SLC60A1: variants seen among roughly 807,000 people sequenced by gnomAD.
The protein encoded by SLC60A1 is solute carrier family 60 member 1.
chr1:205,587,335 C>G, the SLC60A1 span, among the ~76,000 whole-genome samples: 1 of 152,140 alleles, frequency 6.6e-6, no homozygotes, highest in Non-Finnish European at 1.5e-5. Context: ...GGTTGAATTT[C>G]TAGCAGAGAG....
At chr1:205,589,847 C>CG in the SLC60A1 span, among the ~76,000 whole-genome samples, 2 of 152,082 alleles carry the variant, frequency 1.3e-5, no homozygotes, top group Non-Finnish European at 2.9e-5. Flanking sequence ...AGTCCAGGCG[C>CG]AAGAGGGAGG....
At chr1:205,592,827 C>T in the SLC60A1 span, among the ~76,000 whole-genome samples, 13 of 152,124 alleles carry the variant, frequency 8.5e-5, no homozygotes, top group Admixed American at 3.9e-4. Flanking sequence ...ACATTTTGTG[C>T]GATATGGATG....
chr1:205,590,279 T>C, the SLC60A1 span, among the ~76,000 whole-genome samples: 1 of 151,876 alleles, frequency 6.6e-6, no homozygotes, highest in Non-Finnish European at 1.5e-5. Context: ...ATTGAGAGAG[T>C]GAACAGAGGG....
At chr1:205,590,564 C>T in the SLC60A1 span, among the ~76,000 whole-genome samples, 1 of 152,162 alleles carries the variant, frequency 6.6e-6, no homozygotes, top group African/African-American at 2.4e-5. Context: ...GGAAGGGCTG[C>T]TAGAGGAGCG....
At chr1:205,591,975 A>T in the SLC60A1 span, 2 of 881,154 alleles carry the variant, frequency 2.3e-6, no homozygotes, top group East Asian at 2.7e-5. Flanking sequence ...TCCCCGGAAC[A>T]CTGCGGTTCC....
the SLC60A1 span, chr1:205,598,332 T>G: frequency 6.6e-6 from 1 of 150,628 alleles, no homozygotes; most frequent in African/African-American, 2.5e-5. Flanking sequence ...CATGTTTCAT[T>G]TATTCACCAG....
chr1:205,580,170 G>A, the SLC60A1 span, among the ~76,000 whole-genome samples: 1 of 152,154 alleles, frequency 6.6e-6, no homozygotes, highest in Non-Finnish European at 1.5e-5. This position sits in a 1 kb window ranked among gnomAD's most constrained non-coding sequence, Gnocchi z 5.0. Context: ...AGCTCTTTGC[G>A]AACTGGAAAG....
the SLC60A1 span, among the ~76,000 whole-genome samples, chr1:205,582,394 CAT>C: frequency 1.3e-5 from 2 of 152,238 alleles, no homozygotes; most frequent in African/African-American, 2.4e-5. Context: ...TGCATGTACT[CAT>C]GTGGGTGCAC....
the SLC60A1 span, among the ~76,000 whole-genome samples, chr1:205,582,268 C>T: frequency 2.6e-5 from 4 of 152,348 alleles, no homozygotes; most frequent in East Asian, 7.7e-4. Flanking sequence ...GAGGTTTGTT[C>T]TCTCTTGCCC....
chr1:205,579,740 C>T, the SLC60A1 span: 49 of 1,613,892 alleles, frequency 3.0e-5, no homozygotes, highest in South Asian at 5.4e-4. Context: ...CATCACCCTT[C>T]CCTCCTGCAG....
the SLC60A1 span, chr1:205,594,922 G>A: frequency 6.6e-6 from 1 of 152,364 alleles, no homozygotes; most frequent in East Asian, 1.9e-4. Context: ...CCAAAACCCA[G>A]TGATTGGGCC....
the SLC60A1 span, among the ~76,000 whole-genome samples, chr1:205,585,751 G>A: frequency 2.0e-5 from 3 of 151,982 alleles, no homozygotes; most frequent in Non-Finnish European, 1.5e-5. This position sits in a 1 kb window ranked among gnomAD's most constrained non-coding sequence, Gnocchi z 4.2. Flanking sequence ...TGTCTGCCCA[G>A]GCCCTGCGGG....
the SLC60A1 span, among the ~76,000 whole-genome samples, chr1:205,577,178 C>T: frequency 7.2e-5 from 11 of 152,254 alleles, no homozygotes; most frequent in East Asian, 3.9e-4. This position sits in a 1 kb window ranked among gnomAD's most constrained non-coding sequence, Gnocchi z 5.2. Flanking sequence ...CACTGTACAC[C>T]GGGCACCTTC....
the SLC60A1 span, among the ~76,000 whole-genome samples, chr1:205,581,154 G>A: frequency 1.3e-5 from 2 of 152,372 alleles, no homozygotes; most frequent in South Asian, 2.1e-4. This position sits in a 1 kb window ranked among gnomAD's most constrained non-coding sequence, Gnocchi z 4.2. Context: ...ACAGTGAGCT[G>A]AGCACAGTGA....
At chr1:205,599,183 G>A in the SLC60A1 span, 3 of 1,614,040 alleles carry the variant, frequency 1.9e-6, no homozygotes, top group Admixed American at 5.0e-5. Context: ...GTGATCTTTG[G>A]TTGTCTGGCT....
chr1:205,569,520 T>C, the SLC60A1 span, among the ~76,000 whole-genome samples: 1 of 118,670 alleles, frequency 8.4e-6, no homozygotes, highest in South Asian at 3.2e-4. Flanking sequence ...TGGAAAACTC[T>C]CTCCAGAGAC....
At chr1:205,579,522 C>G in the SLC60A1 span, 1 of 593,768 alleles carries the variant, frequency 1.7e-6, no homozygotes. Context: ...ATACTAGTGG[C>G]TAGGCTTTGT....
chr1:205,599,098 T>C, the SLC60A1 span: 1 of 1,611,906 alleles, frequency 6.2e-7, no homozygotes. Context: ...GAAGTTTTAA[T>C]TGTCTGTCTC....
the SLC60A1 span, among the ~76,000 whole-genome samples, chr1:205,586,369 GGGAGCCTGGGAGGT>G: frequency 6.6e-6 from 1 of 152,144 alleles, no homozygotes; most frequent in Non-Finnish European, 1.5e-5. Flanking sequence ...AGGAAGGGGT[GGGAGCCTGGGAGGT>G]GGAGCCTACC....
Sources: gnomAD v4.1 joint callset for allele counts (sites outside exome capture counted in the v4.1 genomes callset) on GRCh38, gnomAD v4.1.1 for gene constraint, Gnocchi (gnomAD v3.1) non-coding constraint, MANE v1.5 for transcripts, NCBI Gene and HGNC (gene_info 2026-07-23, HGNC 2026-07-21) for gene names.